Variants in UNC13B observed in about 807,000 individuals in gnomAD.
UNC13B encodes the protein protein unc-13 homolog B.
In UNC13B, 144 loss-of-function variants were observed where a neutral mutation model predicts 211.0. The ratio of observed to expected loss-of-function variants is 0.68; its 90% CI spans 0.60 to 0.78. The LOEUF is 0.78. Ranked by LOEUF, UNC13B falls within the 30% of genes least tolerant of loss-of-function variation. The pLI is 0.00. For missense variants in UNC13B, 1,777 were observed against 2,002.0 expected (o/e 0.89, Z 2.14); for synonymous variants, 709 against 725.8 (o/e 0.98, Z 0.37).
chr9:35,236,746 G>A (rs1056606855), intron 4 of UNC13B, among the ~76,000 whole-genome samples, 160 bp downstream of exon 4: 7 of 152,186 alleles, frequency 4.6e-5, no homozygotes, highest in African/African-American at 1.7e-4. Flanking sequence ...TTCACCTGAA[G>A]GTTCAGATGA....
chr9:35,364,601 T>G, intron 11 of UNC13B: 1 of 1,534,998 alleles, frequency 6.5e-7, no homozygotes, highest in Non-Finnish European at 8.7e-7. Flanking sequence ...CGTCCTTTTT[T>G]GTCTATTTCC....
chr9:35,264,441 A>G (rs575732864), intron 7 of UNC13B, among the ~76,000 whole-genome samples: 6 of 152,358 alleles, frequency 3.9e-5, no homozygotes, highest in South Asian at 2.1e-4. Context: ...ATTAAATTGC[A>G]TATTTAGCAG....
Position 35,404,100 on chromosome 9 carries a change from T to C in UNC13B, c.*67T>C. The C allele has an allele frequency of 2.6e-6, 4 of 1,561,400 alleles. No homozygotes were observed. The highest frequency in any genetic ancestry group is 3.5e-6 in the Non-Finnish European group (4 of 1,155,824). On this transcript the variant is annotated 3_prime_UTR_variant, in exon 40 of 40. Transcript: ENST00000635942. The stretch of plus-strand genomic sequence containing the variant: ...CAAATCAGGGCCAGTGGGAGTTAGC[T>C]GTGTAACCGGCTTAGGGTCTTTGCA...
intron 1 of UNC13B, among the ~76,000 whole-genome samples, chr9:35,182,860 A>G (rs1370190787): frequency 6.6e-6 from 1 of 152,168 alleles, no homozygotes; most frequent in Non-Finnish European, 1.5e-5. Context: ...GGAGTCTCCT[A>G]TGTCTACTTC....
intron 1 of UNC13B, among the ~76,000 whole-genome samples, chr9:35,208,309 G>T (rs1309626614): frequency 1.3e-5 from 2 of 152,066 alleles, no homozygotes; most frequent in Non-Finnish European, 2.9e-5. Flanking sequence ...ACCCTTCTTG[G>T]AACATTCAGT....
At chr9:35,196,281 A>G (rs547573419) in intron 1 of UNC13B, among the ~76,000 whole-genome samples, 1 of 152,358 alleles carries the variant, frequency 6.6e-6, no homozygotes, top group South Asian at 2.1e-4. Flanking sequence ...GTTACAAACA[A>G]GGGAACTAGT....
chr9:35,303,865 C>T lies in UNC13B; in HGVS notation c.4461C>T (p.Pro1487=), dbSNP rs116851885. ...SSSDHEKTTC[P]VVDQESLRMD... The stretch of plus-strand genomic sequence containing the variant: ...CAGATCATGAAAAGACTACATGCCC[C>T]GTAGTTGATCAAGAATCATTAAGAA... The change falls in exon 9 of 40, where the codon CCC becomes CCT. Residue 1487 remains proline (P), a synonymous_variant. Transcript: ENST00000635942. 6.6e-3 allele frequency: 2,625 copies of T among 398,616 alleles called. 17 individuals carry two copies. The highest frequency in any genetic ancestry group is 8.3e-3 in the Admixed American group (189 of 22,710). The allele number at this position is 398,616 out of a possible 1,614,324, so 24.7% of individuals were successfully genotyped here.
intron 1 of UNC13B, among the ~76,000 whole-genome samples, chr9:35,184,834 GAGAAAGAAAGAAAGAAA>G (rs1564054227): frequency 1.1e-5 from 1 of 93,720 alleles, no homozygotes; most frequent in South Asian, 4.0e-4. Context: ...AGAGAGAGAG[GAGAAAGAAAGAAAGAAA>G]AGAAAGAAAG....
Position 35,313,948 on chromosome 9 carries a change from T to C in UNC13B, c.9373T>C (p.Trp3125Arg). The C allele has an allele frequency of 1.2e-6, 2 of 1,614,008 alleles. No homozygotes were observed. Among genetic ancestry groups the C allele is most frequent in the South Asian group, 1.1e-5 (1 of 91,084 alleles). Residue 3125 changes from tryptophan (W) to arginine (R), a missense_variant, in exon 11 of 40, where the codon TGG (tryptophan) becomes CGG (arginine). Coordinates refer to ENST00000635942, the MANE Select transcript of UNC13B (RefSeq NM_001371189.2). The stretch of plus-strand genomic sequence containing the variant: ...ACCATTTACCCAAGCCAGAGCACAT[T>C]GGATCCGAGCAGTTACCAAGGTTCG... ...SSPFTQARAH[W>R]IRAVTKVRLQ...
At chr9:35,399,571 C>G (rs1836146362) in intron 35 of UNC13B, 78 bp from the exon 36 acceptor site, 25 of 1,596,824 alleles carry the variant, frequency 1.6e-5, no homozygotes, top group Middle Eastern at 3.3e-4. Flanking sequence ...GATGAATATG[C>G]ACTGGGGGCT....
In UNC13B at chr9:35,304,852, T is replaced by A. The variant is rs1829852344; in HGVS notation, c.5448T>A (p.Leu1816=). The A allele has an allele frequency of 1.3e-5, 5 of 398,788 alleles. No homozygotes were observed. The highest frequency in any genetic ancestry group is 2.2e-5 in the Non-Finnish European group (5 of 225,982). The allele number at this position is 398,788 out of a possible 1,614,324, so 24.7% of individuals were successfully genotyped here. A position where few individuals can be genotyped will look rare whatever the true frequency, so the allele number is the denominator to read the frequency against. The part of the protein sequence containing the change: ...EGNSPNVEKS[L]LKDSERQIVS... ...ACTCCCCAAATGTGGAAAAAAGTCTTCTTAAGGATTCAGAAAGACAGATAG... is the reference window on the plus strand; with the variant it reads ...ACTCCCCAAATGTGGAAAAAAGTCTACTTAAGGATTCAGAAAGACAGATAG... Residue 1816 remains leucine (L), a synonymous_variant, in exon 9 of 40, where the codon CTT becomes CTA. Transcript: ENST00000635942.
intron 7 of UNC13B, among the ~76,000 whole-genome samples, chr9:35,271,168 T>TC (rs1453333428): frequency 1.3e-5 from 2 of 150,074 alleles, no homozygotes; most frequent in African/African-American, 2.4e-5. Flanking sequence ...AGGACATTTC[T>TC]CCCCCCATTA....
intron 7 of UNC13B, among the ~76,000 whole-genome samples, chr9:35,290,268 A>G (rs1829027904): frequency 6.6e-6 from 1 of 152,046 alleles, no homozygotes; most frequent in Admixed American, 6.5e-5. Flanking sequence ...AGAGTGGTTT[A>G]TTACATATTG....
At position 35,381,721 on chromosome 9, in the gene UNC13B, T is replaced by C; in HGVS notation, c.10655+2T>C. 6.2e-7 allele frequency: 1 copy of C among 1,613,126 alleles called. No homozygotes were observed. On this transcript the variant is annotated splice_donor_variant, in intron 20 of 39. Coordinates refer to ENST00000635942, the MANE Select transcript of UNC13B (RefSeq NM_001371189.2). LOFTEE classifies it high-confidence loss of function. ...TGAGTCCATATATCAGGCCATGACG[T>C]GAGTCTCTGCTGCGGCACCGGGAAG... is the stretch of plus-strand genomic sequence containing the variant.
At chr9:35,241,561 A>G (rs1434163021) in intron 5 of UNC13B, among the ~76,000 whole-genome samples, 5 of 65,438 alleles carry the variant, frequency 7.6e-5, no homozygotes, top group Admixed American at 1.6e-4. Flanking sequence ...ATATAAGCAC[A>G]CACACACACA....
intron 7 of UNC13B, among the ~76,000 whole-genome samples, chr9:35,288,488 C>T (rs1469083899): frequency 6.6e-6 from 1 of 152,224 alleles, no homozygotes; most frequent in Admixed American, 6.5e-5. Context: ...ACATTTTCCC[C>T]TTCCTTTTCT....
intron 1 of UNC13B, among the ~76,000 whole-genome samples, chr9:35,186,968 G>A (rs1037628937): frequency 1.3e-5 from 2 of 152,104 alleles, no homozygotes; most frequent in Non-Finnish European, 2.9e-5. Flanking sequence ...TGCAGACTCA[G>A]TGATAGTAAA....
At chr9:35,259,353 G>C (rs1162850890) in intron 7 of UNC13B, among the ~76,000 whole-genome samples, 1 of 151,876 alleles carries the variant, frequency 6.6e-6, no homozygotes. Context: ...ATTCTTTAAG[G>C]CTCAGTTTAA....
rs1008030393 is a variant in UNC13B at position 35,303,837 on chromosome 9, C to T, written c.4433C>T (p.Ser1478Leu). Residue 1478 changes from serine (S) to leucine (L), a missense_variant, in exon 9 of 40, where the codon TCA becomes TTA. Coordinates refer to ENST00000635942, the MANE Select transcript of UNC13B (RefSeq NM_001371189.2). ...LEELPIDLSS[S>L]SDHEKTTCPV... Reference sequence around the variant, plus strand: ...GAATTACCCATTGACTTAAGTTCTTCATCAGATCATGAAAAGACTACATGC... The same window carrying T: ...GAATTACCCATTGACTTAAGTTCTTTATCAGATCATGAAAAGACTACATGC... 3 of 398,640 alleles carry T rather than the reference C, an allele frequency of 7.5e-6. No individual in the cohort carries two copies. Among genetic ancestry groups the T allele is most frequent in the Non-Finnish European group, 1.3e-5 (3 of 225,868 alleles). 24.7% of individuals were successfully genotyped at this position (398,640 alleles called of 1,614,324 possible). A position where few individuals can be genotyped will look rare whatever the true frequency, so the allele number is the denominator to read the frequency against.
Sources: gnomAD v4.1 joint callset for allele counts (sites outside exome capture counted in the v4.1 genomes callset) on GRCh38, gnomAD v4.1.1 for gene constraint, MANE v1.5 for transcripts, NCBI Gene and HGNC (gene_info 2026-07-23, HGNC 2026-07-21) for gene names.